PXDNL: variants seen among roughly 807,000 people sequenced by gnomAD.
The protein encoded by PXDNL is peroxidasin like, also known as probable oxidoreductase PXDNL.
A neutral mutation model predicts 150.8 loss-of-function variants in PXDNL; 145 were observed. The ratio of observed to expected loss-of-function variants is 0.96; its 90% CI spans 0.84 to 1.10. The LOEUF is 1.10. PXDNL is among the 50% of genes least tolerant of loss of function. The probability of loss-of-function intolerance (pLI) is 0.00; values close to 1 mark genes in which losing one functional copy is unlikely to be tolerated. For missense variants in PXDNL, 2,087 were observed against 1,873.9 expected (o/e 1.11, Z -2.10); for synonymous variants, 757 against 725.7 (o/e 1.04, Z -0.69).
In PXDNL at chr8:51,374,735, G is replaced by A. The variant is rs184546026; in HGVS notation, c.3558-4C>T. The stretch of plus-strand genomic sequence containing the variant: ...GTCACCTGGAGAGCCGTACAACCTG[G>A]AACAGAGACAGGCAGACAGCGCACA... On this transcript the variant is annotated splice_region_variant and splice_polypyrimidine_tract_variant and intron_variant, in intron 17 of 22. Transcript: ENST00000356297. 175 of 1,613,566 alleles carry A rather than the reference G, an allele frequency of 1.1e-4. No individual in the cohort carries two copies. The African/African-American group carries it at 2.0e-3, about 18-fold the overall frequency.
chr8:51,336,899 T>A (rs556275897), intron 21 of PXDNL, among the ~76,000 whole-genome samples: 1 of 152,152 alleles, frequency 6.6e-6, no homozygotes, highest in South Asian at 2.1e-4. Context: ...AATTCTCTCA[T>A]TGAACCGTGT....
chr8:51,540,607 T>C (rs956269175), intron 4 of PXDNL, among the ~76,000 whole-genome samples: 1 of 152,214 alleles, frequency 6.6e-6, no homozygotes, highest in African/African-American at 2.4e-5. Context: ...TTAAAATTTA[T>C]TGAGCTTTAT....
intron 10 of PXDNL, 68 bp downstream of exon 10, chr8:51,453,451 T>A: frequency 6.7e-7 from 1 of 1,492,082 alleles, no homozygotes; most frequent in Non-Finnish European, 9.3e-7. Context: ...TGACATTATT[T>A]AAGTTGAAAA....
At chr8:51,378,203 A>G (rs58585006) in intron 17 of PXDNL, among the ~76,000 whole-genome samples, 6,922 of 151,536 alleles carry the variant, frequency 0.046, 523 homozygotes, top group African/African-American at 0.16. Flanking sequence ...AAATGCACCA[A>G]TCAGCACTCT....
chr8:51,793,719 T>C (rs1011975389), intron 1 of PXDNL, among the ~76,000 whole-genome samples: 2 of 152,062 alleles, frequency 1.3e-5, no homozygotes, highest in Non-Finnish European at 2.9e-5. Context: ...TGAAACACCG[T>C]CTGTACTAAA....
intron 20 of PXDNL, among the ~76,000 whole-genome samples, chr8:51,343,253 G>A (rs1806043263): frequency 6.6e-6 from 1 of 152,156 alleles, no homozygotes; most frequent in Non-Finnish European, 1.5e-5. Flanking sequence ...AACAAGAAGT[G>A]AAATTACAAC....
At chr8:51,572,645 T>C (rs898846697) in intron 3 of PXDNL, among the ~76,000 whole-genome samples, 1 of 151,934 alleles carries the variant, frequency 6.6e-6, no homozygotes, top group Non-Finnish European at 1.5e-5. Context: ...TTGCACAATA[T>C]GGTGAATGTA....
At chr8:51,608,054 A>AAAGCAAGCAAGCAAGCAAGC (rs755666717) in intron 2 of PXDNL, among the ~76,000 whole-genome samples, 5 of 111,594 alleles carry the variant, frequency 4.5e-5, no homozygotes, top group Admixed American at 8.6e-5. Context: ...AGAAAGAAAG[A>AAAGCAAGCAAGCAAGCAAGC]AAGCAAGCAA....
intron 1 of PXDNL, among the ~76,000 whole-genome samples, chr8:51,789,845 C>G (rs1480620905): frequency 6.6e-6 from 1 of 152,032 alleles, no homozygotes; most frequent in Non-Finnish European, 1.5e-5. Context: ...TTAAAGGGAA[C>G]TTGTGTTACT....
intron 1 of PXDNL, among the ~76,000 whole-genome samples, chr8:51,769,338 A>G (rs2037267846): frequency 6.6e-6 from 1 of 152,196 alleles, no homozygotes; most frequent in Admixed American, 6.5e-5. Context: ...CCATTACTCC[A>G]AAATGCTGCT....
chr8:51,515,037 G>C (rs1368105854), intron 4 of PXDNL, among the ~76,000 whole-genome samples: 1 of 152,226 alleles, frequency 6.6e-6, no homozygotes, highest in Admixed American at 6.5e-5. Context: ...AGTTACACTA[G>C]ATGCAAACAG....
At chr8:51,393,096 G>A (rs1459367418) in intron 17 of PXDNL, among the ~76,000 whole-genome samples, 25 of 152,062 alleles carry the variant, frequency 1.6e-4, no homozygotes, top group Admixed American at 6.6e-4. Flanking sequence ...ATGTCATGCC[G>A]CTCTGAAATG....
intron 6 of PXDNL, among the ~76,000 whole-genome samples, chr8:51,482,554 A>G (rs1398422712): frequency 6.6e-6 from 1 of 152,092 alleles, no homozygotes; most frequent in Non-Finnish European, 1.5e-5. Context: ...GGGCGGAATG[A>G]TATGGTTTGG....
At chr8:51,556,986 A>G in intron 3 of PXDNL, 75 bp from the exon 4 acceptor site, 1 of 857,308 alleles carries the variant, frequency 1.2e-6, no homozygotes, top group South Asian at 1.5e-5. Context: ...AACTTTTTAA[A>G]CTATAAGCTG....
At position 51,391,586 on chromosome 8, in the gene PXDNL, GTTGT is replaced by G. The variant is rs527808985; in HGVS notation, c.3557+16477_3557+16480del. Among the ~76,000 whole-genome samples the G allele has an allele frequency of 1.2e-4, 18 of 152,234 alleles. No homozygotes were observed. The East Asian group carries it at 1.4e-3, about 11-fold the overall frequency. On this transcript the variant is annotated intron_variant, in intron 17 of 22. Coordinates refer to ENST00000356297, the MANE Select transcript of PXDNL (RefSeq NM_144651.5). Reference sequence around the variant, plus strand: ...TGTCCTTCACCCACTTTTTGATGGGGTTGTTTGTTTTTTTCTTGTAAATTTGAGT... The same window carrying G: ...TGTCCTTCACCCACTTTTTGATGGGGTTGTTTTTTTCTTGTAAATTTGAGT...
chr8:51,407,322 T>G (rs183356593), intron 17 of PXDNL, among the ~76,000 whole-genome samples: 2 of 152,248 alleles, frequency 1.3e-5, no homozygotes, highest in African/African-American at 4.8e-5. Context: ...CAATTGGCTA[T>G]AGAACTTATA....
chr8:51,535,718 A>AAAAT (rs1056233135), intron 4 of PXDNL, among the ~76,000 whole-genome samples: 34 of 138,844 alleles, frequency 2.4e-4, no homozygotes, highest in Non-Finnish European at 3.3e-4. Flanking sequence ...GATCAATAAA[A>AAAAT]AAATAAATAA....
At chr8:51,708,742 C>A (rs1208802572) in intron 1 of PXDNL, among the ~76,000 whole-genome samples, 2 of 152,066 alleles carry the variant, frequency 1.3e-5, no homozygotes, top group Non-Finnish European at 2.9e-5. Flanking sequence ...TGAGAGGAGA[C>A]CTTAGGTTCA....
At chr8:51,715,455 G>GA (rs1007713330) in intron 1 of PXDNL, among the ~76,000 whole-genome samples, 2 of 152,042 alleles carry the variant, frequency 1.3e-5, no homozygotes, top group African/African-American at 4.8e-5. Flanking sequence ...AGAGAAGAAT[G>GA]AAAAAAATGT....
Sources: gnomAD v4.1 joint callset for allele counts (sites outside exome capture counted in the v4.1 genomes callset) on GRCh38, gnomAD v4.1.1 for gene constraint, MANE v1.5 for transcripts, NCBI Gene and HGNC (gene_info 2026-07-23, HGNC 2026-07-21) for gene names.